The following MCTP1 variants were observed in gnomAD, a reference collection of about 807,000 sequenced individuals.
MCTP1 encodes the protein multiple C2 and transmembrane domain-containing protein 1.
A neutral mutation model predicts 120.6 loss-of-function variants in MCTP1; 69 were observed. That is an observed-to-expected ratio of 0.57 (90% CI 0.47 to 0.70). MCTP1 has a LOEUF of 0.70. Among genes scored for constraint, MCTP1 ranks in the 30% least tolerant of loss-of-function variants. MCTP1 has a pLI of 0.00. For missense variants in MCTP1, 1,203 were observed against 1,248.8 expected, an observed-to-expected ratio of 0.96 and a Z score of 0.55; for synonymous variants, 529 against 493.1, an observed-to-expected ratio of 1.07 and a Z score of -0.96.
intron 17 of MCTP1, among the ~76,000 whole-genome samples, chr5:94,837,110 A>T (rs576925383): frequency 2.0e-5 from 3 of 152,046 alleles, no homozygotes; most frequent in Non-Finnish European, 4.4e-5. Context: ...CTGTGCAGTG[A>T]CTCACACCTG....
intron 19 of MCTP1, 55 bp downstream of exon 19, chr5:94,779,055 G>A: frequency 6.8e-7 from 1 of 1,462,016 alleles, no homozygotes; most frequent in Non-Finnish European, 9.6e-7. Flanking sequence ...TGAAAACAGT[G>A]TCATGTCTAC....
intron 2 of MCTP1, among the ~76,000 whole-genome samples, chr5:94,987,697 C>T (rs1830667485): frequency 6.6e-6 from 1 of 152,172 alleles, no homozygotes. Flanking sequence ...ACTGGCATGA[C>T]CTGAACACAC....
intron 2 of MCTP1, among the ~76,000 whole-genome samples, chr5:94,993,540 T>C (rs1832024705): frequency 1.3e-5 from 2 of 152,318 alleles, no homozygotes; most frequent in Admixed American, 6.5e-5. Flanking sequence ...TTGTTTATAT[T>C]AGAAAAACTA....
chr5:95,072,479 G>A (rs1752443339), intron 1 of MCTP1, among the ~76,000 whole-genome samples: 1 of 152,132 alleles, frequency 6.6e-6, no homozygotes. Flanking sequence ...CATTACACTA[G>A]TGTTGGCTTG....
Position 94,707,478 on chromosome 5 carries a change from C to T in MCTP1, c.*18G>A, listed in dbSNP as rs1311153163. 6.3e-7 allele frequency: 1 copy of T among 1,597,156 alleles called. No homozygotes were observed. The highest frequency in any genetic ancestry group is 1.7e-5 in the Admixed American group (1 of 59,720). On this transcript the variant is annotated 3_prime_UTR_variant, in exon 23 of 23. Transcript: ENST00000515393. ...ATCTTCCCAAACAGATGCTGGTCTCCTCAGTGCTGGGAGCTGGCTAGCCAA... is the reference window on the plus strand; with the variant it reads ...ATCTTCCCAAACAGATGCTGGTCTCTTCAGTGCTGGGAGCTGGCTAGCCAA...
At chr5:94,805,954 C>T (rs768378732) in intron 17 of MCTP1, among the ~76,000 whole-genome samples, 32 of 151,142 alleles carry the variant, frequency 2.1e-4, no homozygotes, top group Non-Finnish European at 7.4e-5. Flanking sequence ...GTAGATTTTC[C>T]ATATCTTTTT....
chr5:95,123,842 G>C (rs942133228), intron 1 of MCTP1, among the ~76,000 whole-genome samples: 1 of 152,062 alleles, frequency 6.6e-6, no homozygotes, highest in African/African-American at 2.4e-5. Context: ...ATAGAAACGG[G>C]GTTTCACCAT....
intron 1 of MCTP1, among the ~76,000 whole-genome samples, chr5:95,212,597 T>C (rs1752520946): frequency 6.6e-6 from 1 of 151,950 alleles, no homozygotes; most frequent in Admixed American, 6.6e-5. Context: ...TGATGAACAT[T>C]GATGCAAAAA....
At position 94,704,545 on chromosome 5, in the gene MCTP1, C is replaced by T. The variant is rs531492534; in HGVS notation, c.*2951G>A. ...GTGGTCCCTAGATAAGCATTTACTT[C>T]TGAGTTTTTCTTCACTTTTAAATGC... On this transcript the variant is annotated 3_prime_UTR_variant, in exon 23 of 23. Transcript: ENST00000515393. 6 of 150,294 alleles carry T rather than the reference C, an allele frequency of 4.0e-5. No homozygotes were observed. The highest frequency in any genetic ancestry group is 7.4e-5 in the Non-Finnish European group (5 of 67,520). 9.3% of individuals were successfully genotyped at this position (150,294 alleles called of 1,614,324 possible).
At chr5:94,906,776 C>G (rs1371380023) in intron 10 of MCTP1, among the ~76,000 whole-genome samples, 1 of 152,132 alleles carries the variant, frequency 6.6e-6, no homozygotes, top group Non-Finnish European at 1.5e-5. Context: ...GGACTCAGCT[C>G]AGACAGTACC....
intron 1 of MCTP1, among the ~76,000 whole-genome samples, chr5:95,128,018 G>A (rs556445511): frequency 7.9e-5 from 12 of 152,308 alleles, no homozygotes; most frequent in African/African-American, 2.9e-4. Context: ...AAAGCCATGC[G>A]AGGGCTTAAA....
intron 14 of MCTP1, 63 bp downstream of exon 14, chr5:94,871,248 TTTTC>T: frequency 9.5e-7 from 1 of 1,055,282 alleles, no homozygotes; most frequent in Non-Finnish European, 1.5e-6. Context: ...GAGAGTTTTC[TTTTC>T]TTTTTTTTTT....
At chr5:95,214,072 C>G (rs1476135336) in intron 1 of MCTP1, among the ~76,000 whole-genome samples, 1 of 152,280 alleles carries the variant, frequency 6.6e-6, no homozygotes, top group African/African-American at 2.4e-5. Context: ...TCAGAGTGAA[C>G]AGGCAACCTA....
At chr5:95,151,535 A>C (rs1034068442) in intron 1 of MCTP1, among the ~76,000 whole-genome samples, 1 of 152,100 alleles carries the variant, frequency 6.6e-6, no homozygotes, top group African/African-American at 2.4e-5. Context: ...TATTGCATTA[A>C]GCTTATTATT....
At chr5:94,788,372 A>G (rs1778196208) in intron 18 of MCTP1, among the ~76,000 whole-genome samples, 1 of 152,198 alleles carries the variant, frequency 6.6e-6, no homozygotes, top group South Asian at 2.1e-4. Flanking sequence ...CAACGCTTTA[A>G]AAAATGAACA....
At chr5:95,253,914 G>T (rs927857695) in intron 1 of MCTP1, among the ~76,000 whole-genome samples, 1 of 152,002 alleles carries the variant, frequency 6.6e-6, no homozygotes, top group African/African-American at 2.4e-5. Context: ...TGTAGCCTGG[G>T]TCACAAAATA....
At chr5:94,938,631 A>C (rs1302043312) in intron 5 of MCTP1, among the ~76,000 whole-genome samples, 1 of 152,048 alleles carries the variant, frequency 6.6e-6, no homozygotes, top group East Asian at 1.9e-4. Context: ...TGTTTCCATC[A>C]GTGACTAATT....
chr5:95,266,154 T>C (rs1176675433), intron 1 of MCTP1, among the ~76,000 whole-genome samples: 2 of 152,164 alleles, frequency 1.3e-5, no homozygotes, highest in African/African-American at 4.8e-5. Context: ...GTCTACAGAT[T>C]TTTCCTCCTA....
intron 1 of MCTP1, among the ~76,000 whole-genome samples, chr5:95,072,525 C>A (rs574955992): frequency 6.6e-6 from 1 of 152,012 alleles, no homozygotes; most frequent in Non-Finnish European, 1.5e-5. Flanking sequence ...GTGCATTGAT[C>A]ATGTGAAAAT....
Sources: allele counts gnomAD v4.1 joint callset (sites outside exome capture counted in the v4.1 genomes callset), GRCh38; gene constraint gnomAD v4.1.1; transcripts MANE v1.5; gene names NCBI Gene and HGNC (gene_info 2026-07-23, HGNC 2026-07-21).